The following NUMB variants were observed in gnomAD, a reference collection of about 807,000 sequenced individuals.
The protein encoded by NUMB is protein numb homolog.
Under a neutral mutation model 59.7 loss-of-function variants are expected in NUMB, and 29 were observed. The observed-to-expected ratio is 0.49, with a 90% CI of 0.36 to 0.66. NUMB has a LOEUF of 0.66. Ranked by LOEUF, NUMB falls within the 30% of genes least tolerant of loss-of-function variation. The probability of loss-of-function intolerance (pLI) is 0.00; values close to 1 mark genes in which losing one functional copy is unlikely to be tolerated. For synonymous variants in NUMB, 288 were observed against 288.2 expected, an observed-to-expected ratio of 1.00 and a Z score of 0.01; for missense variants, 723 against 822.0, an observed-to-expected ratio of 0.88 and a Z score of 1.47.
chr14:73,438,549 TGACC>T (rs1882790170), intron 1 of NUMB, among the ~76,000 whole-genome samples: 1 of 149,450 alleles, frequency 6.7e-6, no homozygotes, highest in South Asian at 2.1e-4. Context: ...GGGAATCGCT[TGACC>T]CCGGGAGGCA....
intron 4 of NUMB, among the ~76,000 whole-genome samples, chr14:73,344,750 A>G (rs1892816735): frequency 6.6e-6 from 1 of 152,206 alleles, no homozygotes; most frequent in African/African-American, 2.4e-5. Flanking sequence ...CTATCTCTCC[A>G]AATCTGAAGA....
intron 1 of NUMB, among the ~76,000 whole-genome samples, chr14:73,437,668 C>T (rs1008389986): frequency 6.6e-6 from 1 of 152,194 alleles, no homozygotes; most frequent in African/African-American, 2.4e-5. Context: ...TAGTGATGTT[C>T]ATTTTAAAAA....
intron 2 of NUMB, among the ~76,000 whole-genome samples, chr14:73,386,011 G>C (rs150735704): frequency 0.019 from 2,866 of 152,056 alleles, 85 homozygotes; most frequent in African/African-American, 0.065. Flanking sequence ...TTAACTAGCG[G>C]GCTTTTCTAG....
chr14:73,458,275 G>A (rs1213571099), intron 1 of NUMB: 1 of 153,444 alleles, frequency 6.5e-6, no homozygotes, highest in Non-Finnish European at 1.5e-5. Context: ...ACCTTCCTCG[G>A]GAGAACTCCG....
intron 4 of NUMB, among the ~76,000 whole-genome samples, chr14:73,348,726 G>A (rs1436278773): frequency 6.6e-6 from 1 of 152,146 alleles, no homozygotes; most frequent in Non-Finnish European, 1.5e-5. Flanking sequence ...AAAAAGGCTG[G>A]GGACCACTGC....
chr14:73,372,305 T>TTATATATATATATATATATA (rs3028704), intron 2 of NUMB, among the ~76,000 whole-genome samples: 5 of 85,980 alleles, frequency 5.8e-5, no homozygotes, highest in East Asian at 4.0e-4. Context: ...TATATTTCTT[T>TTATATATATATATATATATA]TATATATATA....
Position 73,328,288 on chromosome 14 carries a change from A to AAAC in NUMB, c.127-5085_127-5084insGTT, listed in dbSNP as rs1555371645. On this transcript the variant is annotated intron_variant, in intron 4 of 12. Transcript: ENST00000555238. ...AGACTCCATCTCAAAAAAAAAAAAA[A>AAAC]GTCATATAAATGGAATCATACAGTA... is the stretch of plus-strand genomic sequence containing the variant. Among the ~76,000 whole-genome samples the AAAC allele has an allele frequency of 0.012, 1,886 of 151,030 alleles. 95 individuals are homozygous for AAAC. The South Asian group carries it at 0.16, about 13-fold the overall frequency.
At chr14:73,371,267 G>A (rs773792370) in intron 2 of NUMB, among the ~76,000 whole-genome samples, 8 of 152,140 alleles carry the variant, frequency 5.3e-5, no homozygotes, top group Non-Finnish European at 1.2e-4. Context: ...CGGGCTCAGT[G>A]GCTCACGCCT....
At chr14:73,318,874 T>A (rs4903108) in intron 5 of NUMB, among the ~76,000 whole-genome samples, 36,330 of 152,172 alleles carry the variant, frequency 0.24, 4,397 homozygotes, top group South Asian at 0.26. Flanking sequence ...ATATCAAGTA[T>A]GCAGATGACT....
intron 4 of NUMB, among the ~76,000 whole-genome samples, chr14:73,350,078 T>TACACACACACACACACACACACACACAC (rs71112732): frequency 4.4e-5 from 6 of 137,756 alleles, no homozygotes; most frequent in South Asian, 2.5e-4. Flanking sequence ...CATACATACA[T>TACACACACACACACACACACACACACAC]ACACACACAC....
chr14:73,279,855 A>G (rs1419747589), intron 11 of NUMB, among the ~76,000 whole-genome samples: 1 of 152,232 alleles, frequency 6.6e-6, no homozygotes, highest in East Asian at 1.9e-4. Context: ...TTATGTTAAC[A>G]ATAATACTGG....
At chr14:73,454,021 C>A (rs1884175822) in intron 1 of NUMB, among the ~76,000 whole-genome samples, 1 of 151,530 alleles carries the variant, frequency 6.6e-6, no homozygotes, top group South Asian at 2.1e-4. Context: ...TATTTCTCCC[C>A]AGCCCTATCA....
At chr14:73,379,992 T>C (rs1895151161) in intron 2 of NUMB, among the ~76,000 whole-genome samples, 1 of 152,198 alleles carries the variant, frequency 6.6e-6, no homozygotes, top group Non-Finnish European at 1.5e-5. Context: ...AAATAGATCA[T>C]AAAACAGGGA....
At chr14:73,294,360 C>T (rs545903368) in intron 7 of NUMB, among the ~76,000 whole-genome samples, 1 of 152,224 alleles carries the variant, frequency 6.6e-6, no homozygotes, top group South Asian at 2.1e-4. Flanking sequence ...TGCATGTCAC[C>T]ATACGTAGGT....
In NUMB at chr14:73,276,956, C is replaced by T. The variant is rs747008179; in HGVS notation, c.1578G>A (p.Val526=). Residue 526 remains valine, a synonymous_variant, in exon 13 of 13, where the codon GTG becomes GTA. Transcript: ENST00000555238. ...GMPYPAPNVP[V]VGITPSQMVA... ...CCATCTGGGAGGGAGTGATGCCCAC[C>T]ACAGGCACATTAGGGGCTGGATAGG... The T allele has an allele frequency of 1.9e-6, 3 of 1,614,150 alleles. No homozygotes were observed. The highest frequency in any genetic ancestry group is 2.2e-5 in the East Asian group (1 of 44,882).
intron 4 of NUMB, among the ~76,000 whole-genome samples, chr14:73,354,753 A>T (rs1893682232): frequency 7.1e-6 from 1 of 140,206 alleles, no homozygotes; most frequent in Admixed American, 7.7e-5. Flanking sequence ...GCTTGAACCC[A>T]GGAGGTGGAG....
chr14:73,344,988 A>T (rs899048988), intron 4 of NUMB, among the ~76,000 whole-genome samples: 2 of 152,196 alleles, frequency 1.3e-5, no homozygotes, highest in Admixed American at 1.3e-4. Context: ...CAGCAATCCC[A>T]TTACTGGGTA....
chr14:73,401,791 G>A (rs1364606991), intron 2 of NUMB, among the ~76,000 whole-genome samples: 5 of 151,878 alleles, frequency 3.3e-5, no homozygotes, highest in Non-Finnish European at 7.4e-5. Flanking sequence ...GGATGGTCTC[G>A]ATCTCCTGAC....
chr14:73,317,926 C>G (rs1225179675), intron 5 of NUMB, among the ~76,000 whole-genome samples: 2 of 152,166 alleles, frequency 1.3e-5, no homozygotes, highest in African/African-American at 4.8e-5. Context: ...CTCTTTTACA[C>G]AATTCATAAA....
Sources: gnomAD v4.1 joint callset for allele counts (sites outside exome capture counted in the v4.1 genomes callset) on GRCh38, gnomAD v4.1.1 for gene constraint, MANE v1.5 for transcripts, NCBI Gene and HGNC (gene_info 2026-07-23, HGNC 2026-07-21) for gene names.